Variants in DRG2 observed in about 807,000 individuals in gnomAD.
DRG2 encodes the protein developmentally-regulated GTP-binding protein 2.
In DRG2, 36 loss-of-function variants were observed where a neutral mutation model predicts 53.4. That is an observed-to-expected ratio of 0.67 (90% CI 0.52 to 0.89). The LOEUF is 0.89. Ranked by LOEUF, DRG2 falls within the 40% of genes least tolerant of loss-of-function variation. The pLI is 0.00. For missense variants in DRG2, 342 were observed against 481.2 expected (o/e 0.71, Z 2.71); for synonymous variants, 167 against 192.1 (o/e 0.87, Z 1.08).
intron 1 of DRG2, among the ~76,000 whole-genome samples, chr17:18,092,547 G>A (rs1164335521): frequency 2.0e-5 from 3 of 152,100 alleles, no homozygotes; most frequent in Non-Finnish European, 4.4e-5. Context: ...CAGTCTCAAC[G>A]ACGGCCTCCT....
chr17:18,092,725 T>A (rs2142182562), intron 1 of DRG2, among the ~76,000 whole-genome samples: 1 of 152,304 alleles, frequency 6.6e-6, no homozygotes, highest in East Asian at 1.9e-4. Flanking sequence ...TTTAAATACA[T>A]AAATGCTGGA....
Position 18,093,797 on chromosome 17 carries a change from GCT to G in DRG2, c.65-15_65-14del. The G allele has an allele frequency of 6.2e-7, 1 of 1,611,716 alleles. No individual in the cohort carries two copies. The highest frequency in any genetic ancestry group is 8.5e-7 in the Non-Finnish European group (1 of 1,178,432). ...ACCCTGGCCACTCATCTTCTGTCTTGCTTTCCATCCTTTAGCCACTGAGTATC... is the reference window on the plus strand; with the variant it reads ...ACCCTGGCCACTCATCTTCTGTCTTGTTCCATCCTTTAGCCACTGAGTATC... On this transcript the variant is annotated splice_polypyrimidine_tract_variant and intron_variant, in intron 1 of 12. Coordinates refer to ENST00000225729, the MANE Select transcript of DRG2 (RefSeq NM_001388.5).
chr17:18,096,086 G>A (rs2045429471), intron 2 of DRG2: 1 of 152,202 alleles, frequency 6.6e-6, no homozygotes, highest in South Asian at 2.1e-4. Context: ...TAGCAAGGAA[G>A]GCCACAGAGG....
chr17:18,107,590 G>A lies in DRG2; in HGVS notation c.*350G>A. 3.5e-6 allele frequency: 1 copy of A among 283,962 alleles called. No individual in the cohort carries two copies. The highest frequency in any genetic ancestry group is 6.9e-6 in the Non-Finnish European group (1 of 145,632). The allele number at this position is 283,962 out of a possible 1,614,324, so 17.6% of individuals were successfully genotyped here. A position where few individuals can be genotyped will look rare whatever the true frequency, so the allele number is the denominator to read the frequency against. ...AGATGGCATGCTCAGTGCCAGGCTG[G>A]TAGCTGGGCCTGTTTGGGTCCCTGG... is the stretch of plus-strand genomic sequence containing the variant. On this transcript the variant is annotated 3_prime_UTR_variant, in exon 13 of 13. Transcript: ENST00000225729.
chr17:18,098,279 T>C lies in DRG2; in HGVS notation c.235T>C (p.Leu79=), dbSNP rs1257162451. The stretch of plus-strand genomic sequence containing the variant: ...TCTCCTTTTCTCCTAGTCCACATTC[T>C]TGAGTCTGATGACCTCCACGGCCAG... ...GFPSVGKSTF[L]SLMTSTASEA... is the part of the protein sequence containing the mutation. The change falls in exon 3 of 13, where the codon TTG becomes CTG. Residue 79 remains leucine (L), a synonymous_variant. Coordinates refer to ENST00000225729, the MANE Select transcript of DRG2 (RefSeq NM_001388.5). The surrounding 1 kb of genome is among the most constrained non-coding windows in gnomAD (Gnocchi z 4.1). 1 of 1,613,744 alleles carries C rather than the reference T, an allele frequency of 6.2e-7. No homozygotes were observed. Among genetic ancestry groups the C allele is most frequent in the African/African-American group, 1.3e-5 (1 of 74,948 alleles).
Position 18,107,138 on chromosome 17 carries a change from C to A in DRG2, c.1009-16C>A, listed in dbSNP as rs1366788368. The A allele has an allele frequency of 6.2e-7, 1 of 1,612,724 alleles. No individual in the cohort carries two copies. On this transcript the variant is annotated splice_polypyrimidine_tract_variant and intron_variant, in intron 12 of 12. Coordinates refer to ENST00000225729, the MANE Select transcript of DRG2 (RefSeq NM_001388.5). ...TCCAGGCTGAGGTGACCCCTCTGCC[C>A]CCATTCCTCACCCAGGGCACCAGCA...
chr17:18,104,556 G>T, intron 10 of DRG2, 67 bp from the exon 11 acceptor site: 1 of 1,609,262 alleles, frequency 6.2e-7, no homozygotes, highest in Middle Eastern at 1.7e-4. Flanking sequence ...CTTCCCTCGC[G>T]CAGAATCACA....
chr17:18,088,216 C>A (rs1447189353), intron 1 of DRG2, 129 bp downstream of exon 1: 14 of 1,185,780 alleles, frequency 1.2e-5, no homozygotes, highest in Non-Finnish European at 1.6e-5. Flanking sequence ...CAGACAAGTG[C>A]CGAGGCCGCC....
rs973082939 is a variant in DRG2 at position 18,103,257 on chromosome 17, C to T, written c.807-544C>T. Among the ~76,000 whole-genome samples the T allele has an allele frequency of 6.6e-6, 1 of 152,124 alleles. No homozygotes were observed. The highest frequency in any genetic ancestry group is 2.4e-5 in the African/African-American group (1 of 41,418). On this transcript the variant is annotated intron_variant, in intron 9 of 12. Coordinates refer to ENST00000225729, the MANE Select transcript of DRG2 (RefSeq NM_001388.5). The surrounding 1 kb of genome is among the most constrained non-coding windows in gnomAD (Gnocchi z 4.4). ...ACGGCGCAAACCTTCAAGCCACGGT[C>T]CACCCAGTATTTGGAGCAAGGCACA... is the stretch of plus-strand genomic sequence containing the variant.
intron 1 of DRG2, among the ~76,000 whole-genome samples, chr17:18,093,297 G>A (rs1377896091): frequency 6.6e-6 from 1 of 151,412 alleles, no homozygotes. Flanking sequence ...ACCATTTGGT[G>A]AAGTCTCAAC....
rs1165321853 is a variant in DRG2 at position 18,094,974 on chromosome 17, CAAAAAAAAAAAAAAAA to C, written c.225+1015_225+1030del. Among the ~76,000 whole-genome samples the C allele has an allele frequency of 6.5e-3, 164 of 25,334 alleles. 1 individual carries two copies. The highest frequency in any genetic ancestry group is 0.015 in the African/African-American group (139 of 9,046). 16.6% of individuals were successfully genotyped at this position (25,334 alleles called of 152,430 possible). On this transcript the variant is annotated intron_variant, in intron 2 of 12. Coordinates refer to ENST00000225729, the MANE Select transcript of DRG2 (RefSeq NM_001388.5). ...GGGCAACAAGAGCAAAACTCCATCT[CAAAAAAAAAAAAAAAA>C]AAAAAAAAAAAAAGAAGGTTTCTTC... is the stretch of plus-strand genomic sequence containing the variant.
chr17:18,098,997 T>C lies in DRG2; in HGVS notation c.316-20T>C. Reference sequence around the variant, plus strand: ...TGGAGGCCCAGCCTTGCCTTACCTTTCTTCTCTTCTGCATCCTAGTACAAA... The same window carrying C: ...TGGAGGCCCAGCCTTGCCTTACCTTCCTTCTCTTCTGCATCCTAGTACAAA... On this transcript the variant is annotated intron_variant, in intron 3 of 12. Coordinates refer to ENST00000225729, the MANE Select transcript of DRG2 (RefSeq NM_001388.5). The surrounding 1 kb of genome is among the most constrained non-coding windows in gnomAD (Gnocchi z 4.1). 1 of 1,613,830 alleles carries C rather than the reference T, an allele frequency of 6.2e-7. No individual in the cohort carries two copies. The highest frequency in any genetic ancestry group is 8.5e-7 in the Non-Finnish European group (1 of 1,179,834).
intron 7 of DRG2, among the ~76,000 whole-genome samples, 188 bp from the exon 8 acceptor site, chr17:18,101,305 A>G (rs1597726622): frequency 6.6e-6 from 1 of 152,148 alleles, no homozygotes; most frequent in East Asian, 1.9e-4. Flanking sequence ...AAACTTTTAT[A>G]TATTGTGGTC....
At chr17:18,093,654 C>G (rs895876915) in intron 1 of DRG2, among the ~76,000 whole-genome samples, 159 bp from the exon 2 acceptor site, 3 of 152,096 alleles carry the variant, frequency 2.0e-5, no homozygotes, top group Non-Finnish European at 4.4e-5. Flanking sequence ...AAGTGAGAAG[C>G]CAAGGGGGCC....
At chr17:18,093,246 C>G (rs991289690) in intron 1 of DRG2, among the ~76,000 whole-genome samples, 1 of 152,176 alleles carries the variant, frequency 6.6e-6, no homozygotes. Context: ...AGAATGCCCC[C>G]CAGGAAGCGG....
chr17:18,093,115 C>T (rs551930813), intron 1 of DRG2, among the ~76,000 whole-genome samples: 9 of 152,284 alleles, frequency 5.9e-5, no homozygotes, highest in Non-Finnish European at 1.0e-4. Flanking sequence ...TGGGATAATT[C>T]TCCTCAGCTA....
intron 7 of DRG2, 53 bp from the exon 8 acceptor site, chr17:18,101,440 A>G: frequency 6.3e-7 from 1 of 1,578,638 alleles, no homozygotes; most frequent in Non-Finnish European, 8.7e-7. Context: ...CCCTCCGCTG[A>G]TGGGGGACAG....
rs540008948 is a variant in DRG2 at position 18,102,507 on chromosome 17, G to A, written c.806+510G>A. ...GTGGTGGCGTGTGCCTATAATCCCA[G>A]CTACTCAGGAGGCTGAGGCAGGAGG... On this transcript the variant is annotated intron_variant, in intron 9 of 12. Transcript: ENST00000225729. Among the ~76,000 whole-genome samples the A allele has an allele frequency of 1.6e-3, 238 of 149,518 alleles. 1 individual carries two copies. Among genetic ancestry groups the A allele is most frequent in the African/African-American group, 5.8e-3 (235 of 40,602 alleles).
chr17:18,103,958 G>A lies in DRG2; in HGVS notation c.895+69G>A. ...CCCTAGAAGGCTGCCAGGCCGGTGT[G>A]TGGTGCCCAGAGACCCCAGCACCGG... is the stretch of plus-strand genomic sequence containing the variant. On this transcript the variant is annotated intron_variant, in intron 10 of 12. Coordinates refer to ENST00000225729, the MANE Select transcript of DRG2 (RefSeq NM_001388.5). The surrounding 1 kb of genome is among the most constrained non-coding windows in gnomAD (Gnocchi z 4.4). The A allele has an allele frequency of 2.0e-6, 3 of 1,493,878 alleles. No homozygotes were observed. The highest frequency in any genetic ancestry group is 2.8e-6 in the Non-Finnish European group (3 of 1,072,976). The allele number at this position is 1,493,878 out of a possible 1,614,324, so 92.5% of individuals were successfully genotyped here.
Sources: gnomAD v4.1 joint callset for allele counts (sites outside exome capture counted in the v4.1 genomes callset) on GRCh38, gnomAD v4.1.1 for gene constraint, Gnocchi (gnomAD v3.1) non-coding constraint, MANE v1.5 for transcripts, NCBI Gene and HGNC (gene_info 2026-07-23, HGNC 2026-07-21) for gene names.